Variants in IMPG1 observed in about 807,000 individuals in gnomAD.
IMPG1 encodes the protein interphotoreceptor matrix proteoglycan of 150 kDa.
Under a neutral mutation model 92.0 loss-of-function variants are expected in IMPG1, and 85 were observed. The observed-to-expected ratio is 0.92, with a 90% CI of 0.78 to 1.11. IMPG1 has a LOEUF of 1.11. Ranked by LOEUF, IMPG1 falls within the 50% of genes least tolerant of loss-of-function variation. IMPG1 has a pLI of 0.00. For missense variants in IMPG1, 1,022 were observed against 956.0 expected (o/e 1.07, Z -0.91); for synonymous variants, 367 against 334.1 (o/e 1.10, Z -1.08).
intron 14 of IMPG1, among the ~76,000 whole-genome samples, chr6:75,938,213 A>C (rs1337690411): frequency 6.6e-6 from 1 of 152,188 alleles, no homozygotes; most frequent in African/African-American, 2.4e-5. Context: ...TATTTGGCCT[A>C]ATGGATTGCT....
At chr6:76,055,429 C>A (rs1393045590) in intron 1 of IMPG1, among the ~76,000 whole-genome samples, 1 of 151,766 alleles carries the variant, frequency 6.6e-6, no homozygotes, top group Non-Finnish European at 1.5e-5. Context: ...AAAATGATAT[C>A]ATCAAAATGT....
chr6:76,024,464 C>T (rs544828774), intron 5 of IMPG1, among the ~76,000 whole-genome samples: 1 of 152,158 alleles, frequency 6.6e-6, no homozygotes, highest in Admixed American at 6.5e-5. Context: ...ATCTAATAAA[C>T]ACAGGAGAAA....
chr6:75,973,885 A>G (rs1782461894), intron 12 of IMPG1, among the ~76,000 whole-genome samples: 1 of 152,234 alleles, frequency 6.6e-6, no homozygotes, highest in African/African-American at 2.4e-5. Flanking sequence ...ATGGATCTGC[A>G]TTTGTGAAAT....
intron 5 of IMPG1, among the ~76,000 whole-genome samples, chr6:76,023,881 C>T (rs954581943): frequency 6.6e-6 from 1 of 152,070 alleles, no homozygotes; most frequent in African/African-American, 2.4e-5. Flanking sequence ...AGTAGAAATA[C>T]AAATTTCAAT....
At chr6:75,950,218 G>T (rs1048211357) in intron 13 of IMPG1, among the ~76,000 whole-genome samples, 1 of 152,140 alleles carries the variant, frequency 6.6e-6, no homozygotes, top group Non-Finnish European at 1.5e-5. Context: ...ATATAATTTA[G>T]AAAATGTTCA....
chr6:76,066,616 T>G, intron 1 of IMPG1, among the ~76,000 whole-genome samples: 1 of 152,064 alleles, frequency 6.6e-6, no homozygotes, highest in East Asian at 1.9e-4. Context: ...GCCTTTAACA[T>G]TCCACTGGCA....
At position 76,002,925 on chromosome 6, in the gene IMPG1, A is replaced by G; in HGVS notation, c.1284T>C (p.Gly428=). The part of the protein sequence containing the change: ...QLETVDGAEH[G]LPDTSWSPPA... ...TTGTGAGGGGAAACTTACCAGGTAGACCATGCTCTGCTCCGTCCACTGTCT... is the reference window on the plus strand; with the variant it reads ...TTGTGAGGGGAAACTTACCAGGTAGGCCATGCTCTGCTCCGTCCACTGTCT... Residue 428 remains glycine, a synonymous_variant, in exon 12 of 17, where the codon GGT becomes GGC. Transcript: ENST00000369950. 6.2e-7 allele frequency: 1 copy of G among 1,612,678 alleles called. No individual in the cohort carries two copies. Among genetic ancestry groups the G allele is most frequent in the Non-Finnish European group, 8.5e-7 (1 of 1,178,748 alleles).
rs146775538 is a variant in IMPG1, at chr6:75,997,101, T to C, written c.1291+5817A>G. Among the ~76,000 whole-genome samples, 100 of 152,358 alleles carry C rather than the reference T, an allele frequency of 6.6e-4. 1 individual carries two copies. In the East Asian group the frequency reaches 0.018, roughly 27 times the overall value. On this transcript the variant is annotated intron_variant, in intron 12 of 16. Transcript: ENST00000369950. ...ATTTGAGAGTTGAAAGAACTTTGAT[T>C]CACTTTTCATCTTTTCCTGGGCATC...
chr6:75,936,762 G>C (rs9360961), intron 14 of IMPG1, among the ~76,000 whole-genome samples: 39,325 of 152,114 alleles, frequency 0.26, 5,633 homozygotes, highest in Non-Finnish European at 0.34. Flanking sequence ...ATTGGCACTA[G>C]GGTGGTGGCC....
intron 12 of IMPG1, among the ~76,000 whole-genome samples, chr6:75,973,761 T>C (rs1404194457): frequency 6.6e-6 from 1 of 152,154 alleles, no homozygotes; most frequent in African/African-American, 2.4e-5. Flanking sequence ...TCAGGGAACT[T>C]TGAGTCTTGG....
chr6:76,033,399 A>G lies in IMPG1; in HGVS notation c.497+916T>C, dbSNP rs150763032. Among the ~76,000 whole-genome samples the G allele has an allele frequency of 8.7e-3, 1,328 of 152,336 alleles. 23 individuals carry two copies. Among genetic ancestry groups the G allele is most frequent in the African/African-American group, 0.03 (1,260 of 41,576 alleles). On this transcript the variant is annotated intron_variant, in intron 4 of 16. Transcript: ENST00000369950. ...GGGCTGGAAAAGGTTGGGAGTGGATATTCAGAATGGCAAGAGGAAGATGTA... is the reference window on the plus strand; with the variant it reads ...GGGCTGGAAAAGGTTGGGAGTGGATGTTCAGAATGGCAAGAGGAAGATGTA...
At chr6:76,023,759 AT>A (rs1783475577) in intron 5 of IMPG1, among the ~76,000 whole-genome samples, 1 of 152,204 alleles carries the variant, frequency 6.6e-6, no homozygotes, top group African/African-American at 2.4e-5. Flanking sequence ...ATTTAAAAAA[AT>A]GAAAAATAAT....
At chr6:76,006,480 G>GTATA (rs905736991) in intron 9 of IMPG1, among the ~76,000 whole-genome samples, 1 of 101,168 alleles carries the variant, frequency 9.9e-6, no homozygotes, top group Admixed American at 1.0e-4. Flanking sequence ...GTATATAGGT[G>GTATA]TATATATACA....
At chr6:75,929,505 C>T (rs1287185409) in intron 15 of IMPG1, among the ~76,000 whole-genome samples, 1 of 131,516 alleles carries the variant, frequency 7.6e-6, no homozygotes, top group Non-Finnish European at 1.5e-5. Context: ...ACAATGAGAA[C>T]ACATGGACAC....
At chr6:75,975,931 CA>C (rs1279106360) in intron 12 of IMPG1, among the ~76,000 whole-genome samples, 2 of 151,996 alleles carry the variant, frequency 1.3e-5, no homozygotes, top group Admixed American at 1.3e-4. Context: ...TTTCATATGT[CA>C]AAAAATATTA....
intron 12 of IMPG1, among the ~76,000 whole-genome samples, chr6:75,982,613 ATG>A (rs983168807): frequency 4.7e-4 from 71 of 150,524 alleles, no homozygotes; most frequent in African/African-American, 1.7e-3. Context: ...GTATATATAT[ATG>A]TGTGTGTATA....
chr6:76,058,757 A>G (rs1784159345), intron 1 of IMPG1, among the ~76,000 whole-genome samples: 1 of 152,186 alleles, frequency 6.6e-6, no homozygotes, highest in Admixed American at 6.6e-5. Flanking sequence ...AATAGCTTGT[A>G]GGGCCTAGCT....
intron 12 of IMPG1, among the ~76,000 whole-genome samples, chr6:75,958,407 A>G (rs1032916225): frequency 1.4e-4 from 22 of 151,788 alleles, no homozygotes; most frequent in African/African-American, 4.8e-4. Context: ...TGTTCTCTAT[A>G]TTTTCTGAAT....
intron 12 of IMPG1, among the ~76,000 whole-genome samples, chr6:75,969,249 CTA>C (rs1323924465): frequency 6.6e-6 from 1 of 151,890 alleles, no homozygotes; most frequent in African/African-American, 2.4e-5. Context: ...AACATGATGA[CTA>C]TAGTTAATAG....
Sources: allele counts gnomAD v4.1 joint callset (sites outside exome capture counted in the v4.1 genomes callset), GRCh38; gene constraint gnomAD v4.1.1; transcripts MANE v1.5; gene names NCBI Gene and HGNC (gene_info 2026-07-23, HGNC 2026-07-21).